Variants in SYT1 observed in about 807,000 individuals in gnomAD.
The protein encoded by SYT1 is synaptotagmin 1.
In SYT1, 8 loss-of-function variants were observed where a neutral mutation model predicts 44.8. The ratio of observed to expected loss-of-function variants is 0.18; its 90% confidence interval spans 0.10 to 0.32. The LOEUF (loss-of-function observed/expected upper bound fraction) is 0.32, where lower values mean the gene tolerates loss of function less well. SYT1 is among the 10% of genes least tolerant of loss of function. SYT1 has a pLI of 1.00. For synonymous variants in SYT1, 154 were observed against 188.8 expected, an observed-to-expected ratio of 0.82 and a Z score of 1.51; for missense variants, 286 against 509.3, an observed-to-expected ratio of 0.56 and a Z score of 4.22.
intron 1 of SYT1, among the ~76,000 whole-genome samples, chr12:78,888,478 C>T (rs1229198397): frequency 6.6e-6 from 1 of 151,878 alleles, no homozygotes; most frequent in Non-Finnish European, 1.5e-5. Flanking sequence ...AATTAATCAT[C>T]ACCTAAATGT....
rs1870482737 is a variant in SYT1 at position 79,154,599 on chromosome 12, T to G, written c.-17-62904T>G. On this transcript the variant is annotated intron_variant, in intron 3 of 10. Transcript: ENST00000261205. The stretch of plus-strand genomic sequence containing the variant: ...ATTGAATTCAATGATTACTTACATT[T>G]TGATGAGAAGCAGGAAAATCCCTGT... Among the ~76,000 whole-genome samples the G allele has an allele frequency of 3.3e-5, 5 of 151,998 alleles. 1 individual carries two copies. In the South Asian group the frequency reaches 1.0e-3, roughly 32 times the overall value.
intron 2 of SYT1, among the ~76,000 whole-genome samples, chr12:78,992,573 G>A (rs1592640931): frequency 1.3e-5 from 2 of 152,296 alleles, no homozygotes; most frequent in East Asian, 1.9e-4. Flanking sequence ...GCTGTAAAAT[G>A]TATTTCTTAC....
intron 1 of SYT1, among the ~76,000 whole-genome samples, chr12:78,971,590 A>T (rs1868388685): frequency 6.6e-6 from 1 of 152,170 alleles, no homozygotes; most frequent in Non-Finnish European, 1.5e-5. Context: ...AATATGGTAA[A>T]CAATTTTTCC....
Position 79,208,534 on chromosome 12 carries a change from G to A in SYT1, c.-17-8969G>A, listed in dbSNP as rs550171608. Among the ~76,000 whole-genome samples, 18 of 152,254 alleles carry A rather than the reference G, an allele frequency of 1.2e-4. No individual in the cohort carries two copies. In the South Asian group the frequency reaches 2.5e-3, roughly 21 times the overall value. On this transcript the variant is annotated intron_variant, in intron 3 of 10. Transcript: ENST00000261205. ...GAGGAAATGGAGACTGAAGCATTTC[G>A]ATCAGAATGAGAAGAGAGGCAGACA... is the stretch of plus-strand genomic sequence containing the variant.
chr12:79,116,751 T>C (rs1879298900), intron 3 of SYT1, among the ~76,000 whole-genome samples: 1 of 152,222 alleles, frequency 6.6e-6, no homozygotes, highest in South Asian at 2.1e-4. Flanking sequence ...AACTATTTGC[T>C]GTATTCTGTC....
chr12:79,351,483 C>G (rs1053826643), intron 8 of SYT1, among the ~76,000 whole-genome samples: 7 of 150,688 alleles, frequency 4.6e-5, no homozygotes, highest in African/African-American at 1.7e-4. Flanking sequence ...CCTGATCCTG[C>G]AACACAATCA....
chr12:79,119,319 G>A (rs1879464476), intron 3 of SYT1, among the ~76,000 whole-genome samples: 1 of 152,074 alleles, frequency 6.6e-6, no homozygotes, highest in Admixed American at 6.6e-5. Flanking sequence ...AACCTTTAAT[G>A]GTTCTCCATT....
chr12:78,876,807 G>GTATTATATA (rs1348588800), intron 1 of SYT1, among the ~76,000 whole-genome samples: 3,031 of 15,188 alleles, frequency 0.2, 584 homozygotes, highest in African/African-American at 0.36. Flanking sequence ...TATATTATAT[G>GTATTATATA]TAATACATAT....
chr12:78,874,515 A>G (rs891882292), intron 1 of SYT1, among the ~76,000 whole-genome samples: 4 of 151,642 alleles, frequency 2.6e-5, no homozygotes, highest in African/African-American at 9.7e-5. Flanking sequence ...CCCAGGAATG[A>G]AAATGCAATA....
chr12:79,202,189 A>G (rs966798339), intron 3 of SYT1, among the ~76,000 whole-genome samples: 1 of 152,174 alleles, frequency 6.6e-6, no homozygotes, highest in Non-Finnish European at 1.5e-5. Context: ...TGGTATATTC[A>G]TCAGTCTTAT....
chr12:79,449,991 A>G lies in SYT1; in HGVS notation c.*867A>G. ...GTTTGGGGATGGGGGAGAAGAAGCT[A>G]AGGGGAGAAGTCAACATTTATGAAA... On this transcript the variant is annotated 3_prime_UTR_variant, in exon 11 of 11. Transcript: ENST00000261205. 1 of 151,388 alleles carries G rather than the reference A, an allele frequency of 6.6e-6. No homozygotes were observed. Among genetic ancestry groups the G allele is most frequent in the Non-Finnish European group, 1.5e-5 (1 of 67,926 alleles). 9.4% of individuals were successfully genotyped at this position (151,388 alleles called of 1,614,324 possible). A position where few individuals can be genotyped will look rare whatever the true frequency, so the allele number is the denominator to read the frequency against.
intron 8 of SYT1, among the ~76,000 whole-genome samples, chr12:79,339,864 A>G (rs1882279553): frequency 1.3e-5 from 2 of 152,176 alleles, no homozygotes; most frequent in Non-Finnish European, 2.9e-5. Flanking sequence ...TAAGGAAGGG[A>G]TCCAGTTTCA....
rs58474358 is a variant in SYT1, at chr12:79,196,149, CTGTTGT to C, written c.-17-21321_-17-21316del. 9.6e-3 allele frequency among the ~76,000 whole-genome samples: 1,141 copies of C among 118,756 alleles called. 9 individuals are homozygous for C. Among genetic ancestry groups the C allele is most frequent in the South Asian group, 0.013 (50 of 3,926 alleles). The allele number at this position is 118,756 out of a possible 152,430, so 77.9% of individuals were successfully genotyped here. A position where few individuals can be genotyped will look rare whatever the true frequency, so the allele number is the denominator to read the frequency against. On this transcript the variant is annotated intron_variant, in intron 3 of 10. Coordinates refer to ENST00000261205, the MANE Select transcript of SYT1 (RefSeq NM_005639.3). ...CATGGAGCTATGTACATTTCTAATT[CTGTTGT>C]TGTTGTTGTTGTTGTTGTTGTTGTT...
At chr12:79,419,511 G>C (rs1868971055) in intron 9 of SYT1, among the ~76,000 whole-genome samples, 1 of 152,138 alleles carries the variant, frequency 6.6e-6, no homozygotes, top group Non-Finnish European at 1.5e-5. Flanking sequence ...TCTAAGCATA[G>C]ACTTCTCCAG....
chr12:78,878,680 T>C (rs6539094), intron 1 of SYT1, among the ~76,000 whole-genome samples: 150,043 of 151,832 alleles, frequency 0.99, 74,134 homozygotes, highest in East Asian at 1. Flanking sequence ...TAATGATTCA[T>C]TCACATGTGA....
At chr12:79,230,464 T>C (rs113353100) in intron 4 of SYT1, among the ~76,000 whole-genome samples, 1 of 152,126 alleles carries the variant, frequency 6.6e-6, no homozygotes, top group Non-Finnish European at 1.5e-5. Context: ...AATTTTAAAA[T>C]TATGTAGGTA....
rs111442933 is a variant in SYT1, at chr12:79,328,674, G to A, written c.811-24828G>A. Among the ~76,000 whole-genome samples the A allele has an allele frequency of 1.5e-4, 23 of 151,958 alleles. 1 individual carries two copies. Among genetic ancestry groups the A allele is most frequent in the African/African-American group, 2.7e-4 (11 of 41,444 alleles). ...ATCCTGGCTAACACAGTGAAACCCC[G>A]TCTCTACTAAAAATACAAAAAATTA... On this transcript the variant is annotated intron_variant, in intron 8 of 10. Transcript: ENST00000261205.
At chr12:79,129,593 C>A (rs1009352636) in intron 3 of SYT1, among the ~76,000 whole-genome samples, 2 of 152,158 alleles carry the variant, frequency 1.3e-5, no homozygotes, top group African/African-American at 4.8e-5. Context: ...GCAAAATTTG[C>A]TGTCTAATTC....
At chr12:79,119,351 C>T (rs1286558395) in intron 3 of SYT1, among the ~76,000 whole-genome samples, 2 of 152,306 alleles carry the variant, frequency 1.3e-5, no homozygotes, top group East Asian at 3.9e-4. Context: ...ACAGGCCAAG[C>T]TTCCTAACAA....
Sources: gnomAD v4.1 joint callset for allele counts (sites outside exome capture counted in the v4.1 genomes callset) on GRCh38, gnomAD v4.1.1 for gene constraint, MANE v1.5 for transcripts, NCBI Gene and HGNC (gene_info 2026-07-23, HGNC 2026-07-21) for gene names.